PHEX: variants seen among roughly 807,000 people sequenced by gnomAD.
PHEX encodes the protein phosphate regulating endopeptidase X-linked.
Under a neutral mutation model 68.0 loss-of-function variants are expected in PHEX, and 16 were observed. The ratio of observed to expected loss-of-function variants is 0.24; its 90% CI spans 0.16 to 0.36. PHEX has a LOEUF of 0.36. Among genes scored for constraint, PHEX ranks in the 10% least tolerant of loss-of-function variants. PHEX has a pLI of 1.00. For synonymous variants in PHEX, 208 were observed against 205.1 expected (o/e 1.01, Z -0.12); for missense variants, 480 against 575.5 (o/e 0.83, Z 1.70).
chrX:22,106,644 C>T (rs1930705321), intron 9 of PHEX, among the ~76,000 whole-genome samples: 1 of 110,476 alleles, frequency 9.1e-6, no homozygotes, highest in African/African-American at 3.3e-5. Flanking sequence ...CACAGTGGCG[C>T]ATGCCTGTAG....
chrX:22,158,374 T>C (rs766209525), intron 12 of PHEX, among the ~76,000 whole-genome samples: 1 of 112,375 alleles, frequency 8.9e-6, no homozygotes, highest in African/African-American at 3.2e-5. Context: ...TTAGGAAAGT[T>C]GCCCTATAAA....
At chrX:22,061,694 A>C (rs746760337) in intron 3 of PHEX, among the ~76,000 whole-genome samples, 4 of 111,382 alleles carry the variant, frequency 3.6e-5, no homozygotes, top group African/African-American at 9.8e-5. Context: ...TAACTAGCCC[A>C]AGGTCACACG....
At chrX:22,191,718 A>G (rs983021208) in intron 15 of PHEX, among the ~76,000 whole-genome samples, 2 of 112,280 alleles carry the variant, frequency 1.8e-5, no homozygotes, top group African/African-American at 6.5e-5. Context: ...CAGCTGCCCT[A>G]GAGAACTCTT....
At chrX:22,035,331 C>T (rs1926959371) in intron 1 of PHEX, among the ~76,000 whole-genome samples, 1 of 111,527 alleles carries the variant, frequency 9.0e-6, no homozygotes, top group Non-Finnish European at 1.9e-5. Flanking sequence ...ATCTGTTTCT[C>T]AGATGCACTG....
chrX:22,078,594 T>G (rs1929259711), intron 5 of PHEX, among the ~76,000 whole-genome samples: 1 of 112,070 alleles, frequency 8.9e-6, no homozygotes, highest in African/African-American at 3.2e-5. Flanking sequence ...AAAATCCAAA[T>G]CTTAAAGTTC....
At chrX:22,214,999 G>C (rs1031296283) in intron 16 of PHEX, among the ~76,000 whole-genome samples, 2 of 111,297 alleles carry the variant, frequency 1.8e-5, no homozygotes, top group African/African-American at 6.5e-5. Flanking sequence ...TATTCTTTAA[G>C]CTCCCTTCAA....
chrX:22,153,665 A>G (rs1238901192), intron 12 of PHEX, among the ~76,000 whole-genome samples: 1 of 111,319 alleles, frequency 9.0e-6, no homozygotes, highest in East Asian at 2.8e-4. Context: ...TGCTACTGAC[A>G]CTCGTGCAGC....
intron 15 of PHEX, among the ~76,000 whole-genome samples, chrX:22,197,686 G>A (rs752211762): frequency 3.6e-5 from 4 of 111,412 alleles, no homozygotes; most frequent in Non-Finnish European, 7.5e-5. Context: ...CAGAGAAATG[G>A]GGAGATAGCA....
chrX:22,051,721 AAT>A (rs1275164914), intron 3 of PHEX, among the ~76,000 whole-genome samples: 1 of 111,092 alleles, frequency 9.0e-6, no homozygotes, highest in Admixed American at 9.7e-5. Flanking sequence ...TCCATCTGTA[AAT>A]ATATATATAG....
At chrX:22,243,860 G>GGAA (rs1254055066) in intron 20 of PHEX, among the ~76,000 whole-genome samples, 1 of 112,156 alleles carries the variant, frequency 8.9e-6, no homozygotes, top group Non-Finnish European at 1.9e-5. Flanking sequence ...CAACCATTGT[G>GGAA]GAAGACAGTG....
chrX:22,032,446 A>C lies in PHEX; in HGVS notation c.-560A>C, dbSNP rs1926841910. 8.5e-6 allele frequency: 1 copy of C among 118,230 alleles called. No individual in the cohort carries two copies. The highest frequency in any genetic ancestry group is 3.0e-4 in the South Asian group (1 of 3,329). The allele number at this position is 118,230 out of a possible 1,213,427, so 9.7% of individuals were successfully genotyped here. ...AACTCTTAGAAGGCTTTAAAAAGGG[A>C]CTCACACACTGAAAGAATATCTTTG... On this transcript the variant is annotated 5_prime_UTR_variant, in exon 1 of 22. Coordinates refer to ENST00000379374, the MANE Select transcript of PHEX (RefSeq NM_000444.6).
At chrX:22,133,195 AT>A (rs1323710247) in intron 11 of PHEX, among the ~76,000 whole-genome samples, 1 of 111,251 alleles carries the variant, frequency 9.0e-6, no homozygotes, top group African/African-American at 3.3e-5. Context: ...TAATTTTTAT[AT>A]TTTTGGTAGA....
intron 3 of PHEX, among the ~76,000 whole-genome samples, chrX:22,058,951 C>G (rs1353791454): frequency 1.8e-5 from 2 of 111,640 alleles, no homozygotes; most frequent in Non-Finnish European, 3.8e-5. Context: ...ATTACAGGCG[C>G]CTGCCACCAC....
chrX:22,050,186 C>T (rs961110008), intron 3 of PHEX, among the ~76,000 whole-genome samples: 5 of 112,592 alleles, frequency 4.4e-5, no homozygotes, highest in Admixed American at 3.8e-4. Context: ...TAAAGTAAAG[C>T]TTTGAATGTA....
intron 13 of PHEX, among the ~76,000 whole-genome samples, chrX:22,174,206 T>C (rs1933629685): frequency 8.9e-6 from 1 of 112,125 alleles, no homozygotes; most frequent in African/African-American, 3.2e-5. Flanking sequence ...ATGGAATTGA[T>C]TGAAAGTGAT....
intron 5 of PHEX, among the ~76,000 whole-genome samples, chrX:22,088,650 GTTTCT>G (rs1029649677): frequency 1.8e-5 from 2 of 111,346 alleles, no homozygotes; most frequent in African/African-American, 6.5e-5. Flanking sequence ...AAATTGAGTT[GTTTCT>G]TTTCTTATGG....
intron 11 of PHEX, among the ~76,000 whole-genome samples, chrX:22,122,106 A>G (rs1040393594): frequency 9.8e-5 from 11 of 111,776 alleles, no homozygotes; most frequent in Admixed American, 3.8e-4. Flanking sequence ...TGTAACTATA[A>G]CGTTGATGGC....
At chrX:22,163,376 C>G (rs773579025) in intron 12 of PHEX, 9 of 111,079 alleles carry the variant, frequency 8.1e-5, no homozygotes, top group Non-Finnish European at 1.1e-4. Context: ...GGAGTCCTGA[C>G]AGTAAGAGAA....
intron 20 of PHEX, among the ~76,000 whole-genome samples, chrX:22,236,527 A>C (rs1318593502): frequency 8.8e-6 from 1 of 113,137 alleles, no homozygotes; most frequent in Non-Finnish European, 1.9e-5. Context: ...ATATAAAATA[A>C]GTATACAAAA....
Sources: allele counts gnomAD v4.1 joint callset (sites outside exome capture counted in the v4.1 genomes callset), GRCh38; gene constraint gnomAD v4.1.1; transcripts MANE v1.5; gene names NCBI Gene and HGNC (gene_info 2026-07-23, HGNC 2026-07-21).